Variants in SHISA9 observed in about 807,000 individuals in gnomAD.
SHISA9 encodes shisa family member 9.
Under a neutral mutation model 38.0 loss-of-function variants are expected in SHISA9, and 13 were observed. That is an observed-to-expected ratio of 0.34 (90% CI 0.22 to 0.54). SHISA9 has a LOEUF of 0.54. Ranked by LOEUF, SHISA9 falls within the 20% of genes least tolerant of loss-of-function variation. The pLI, the probability that SHISA9 is intolerant of heterozygous loss-of-function variation, is 0.91. For missense variants in SHISA9, 538 were observed against 575.8 expected, an observed-to-expected ratio of 0.93 and a Z score of 0.67; for synonymous variants, 275 against 242.0, an observed-to-expected ratio of 1.14 and a Z score of -1.27.
At chr16:13,295,314 T>A in the SHISA9 span, among the ~76,000 whole-genome samples, 1 of 152,072 alleles carries the variant, frequency 6.6e-6, no homozygotes, top group African/African-American at 2.4e-5. Context: ...ACCGAAAGAG[T>A]TGGTCTGCTT....
At chr16:13,340,897 A>G in the SHISA9 span, among the ~76,000 whole-genome samples, 1 of 152,104 alleles carries the variant, frequency 6.6e-6, no homozygotes, top group African/African-American at 2.4e-5. Flanking sequence ...CCTCTTTCCA[A>G]TATAATTTCC....
At chr16:13,123,622 T>A (rs1281638217) in intron 2 of SHISA9, among the ~76,000 whole-genome samples, 1 of 152,242 alleles carries the variant, frequency 6.6e-6, no homozygotes, top group Non-Finnish European at 1.5e-5. Flanking sequence ...CAGCTGGCAG[T>A]TTCTGAGAAT....
At chr16:13,152,722 A>G (rs2050510356) in intron 2 of SHISA9, among the ~76,000 whole-genome samples, 1 of 152,200 alleles carries the variant, frequency 6.6e-6, no homozygotes, top group Non-Finnish European at 1.5e-5. Flanking sequence ...ACCCAGTTTG[A>G]TGAATTGATG....
At chr16:13,402,803 T>C in the SHISA9 span, among the ~76,000 whole-genome samples, 2 of 152,194 alleles carry the variant, frequency 1.3e-5, no homozygotes, top group African/African-American at 4.8e-5. Flanking sequence ...AAATTAACCA[T>C]CACATTCCAG....
chr16:13,334,956 G>A, the SHISA9 span, among the ~76,000 whole-genome samples: 2 of 152,152 alleles, frequency 1.3e-5, no homozygotes, highest in African/African-American at 2.4e-5. Context: ...TTATGTGCTA[G>A]GAACCTGTAT....
At chr16:13,328,704 C>A in the SHISA9 span, among the ~76,000 whole-genome samples, 1 of 152,032 alleles carries the variant, frequency 6.6e-6, no homozygotes, top group Admixed American at 6.6e-5. Context: ...TACCCCTGAC[C>A]TCGGGCGATC....
At chr16:13,465,248 C>G in the SHISA9 span, among the ~76,000 whole-genome samples, 1 of 152,168 alleles carries the variant, frequency 6.6e-6, no homozygotes, top group Non-Finnish European at 1.5e-5. Context: ...AAAAATGCCT[C>G]CAGGCATTGC....
At chr16:13,373,227 A>C in the SHISA9 span, among the ~76,000 whole-genome samples, 1 of 152,244 alleles carries the variant, frequency 6.6e-6, no homozygotes, top group African/African-American at 2.4e-5. Flanking sequence ...ACTGTTTCAA[A>C]GGTTGAAAGA....
intron 4 of SHISA9, among the ~76,000 whole-genome samples, chr16:13,218,877 G>A (rs1486697092): frequency 2.0e-5 from 3 of 152,156 alleles, no homozygotes; most frequent in South Asian, 4.1e-4. Flanking sequence ...CCATCCCAGG[G>A]GAGGGAACAC....
At chr16:13,093,905 A>G (rs1363902959) in intron 2 of SHISA9, among the ~76,000 whole-genome samples, 1 of 152,094 alleles carries the variant, frequency 6.6e-6, no homozygotes, top group Non-Finnish European at 1.5e-5. Context: ...TAGGATTTAA[A>G]TAGGTGTGGC....
the SHISA9 span, among the ~76,000 whole-genome samples, chr16:13,487,533 G>T: frequency 6.6e-6 from 1 of 152,150 alleles, no homozygotes; most frequent in African/African-American, 2.4e-5. Flanking sequence ...TATCACCAAG[G>T]GGACGGCCCA....
At chr16:12,939,736 T>C (rs2071584317) in intron 2 of SHISA9, among the ~76,000 whole-genome samples, 1 of 152,198 alleles carries the variant, frequency 6.6e-6, no homozygotes, top group African/African-American at 2.4e-5. Flanking sequence ...TGCTATTCAA[T>C]GAAACATCAT....
chr16:12,903,391 A>G (rs2071048218), intron 1 of SHISA9, among the ~76,000 whole-genome samples: 1 of 152,174 alleles, frequency 6.6e-6, no homozygotes, highest in East Asian at 1.9e-4. Context: ...CTCACTTCCA[A>G]GCACCCTGAT....
chr16:13,374,120 A>G, the SHISA9 span, among the ~76,000 whole-genome samples: 1 of 152,186 alleles, frequency 6.6e-6, no homozygotes, highest in Non-Finnish European at 1.5e-5. Flanking sequence ...CATTAGGCCA[A>G]AATGTCCTGG....
the SHISA9 span, among the ~76,000 whole-genome samples, chr16:13,504,381 T>C: frequency 6.6e-6 from 1 of 152,026 alleles, no homozygotes; most frequent in Non-Finnish European, 1.5e-5. Flanking sequence ...ACCCATAAGG[T>C]CCCTGTAAAG....
At chr16:12,989,572 T>C (rs1270795112) in intron 2 of SHISA9, among the ~76,000 whole-genome samples, 1 of 152,104 alleles carries the variant, frequency 6.6e-6, no homozygotes, top group African/African-American at 2.4e-5. Context: ...CTTGAAAGGT[T>C]TGGGACTGAG....
intron 2 of SHISA9, among the ~76,000 whole-genome samples, chr16:13,096,552 G>A (rs899379926): frequency 6.6e-6 from 1 of 152,142 alleles, no homozygotes; most frequent in East Asian, 1.9e-4. Context: ...AGAAGATGGG[G>A]AAGGTTGATA....
chr16:13,362,645 T>A, the SHISA9 span, among the ~76,000 whole-genome samples: 3 of 152,130 alleles, frequency 2.0e-5, no homozygotes, highest in East Asian at 1.9e-4. Flanking sequence ...CTAGAGAAAT[T>A]TTATGAAGCA....
the SHISA9 span, among the ~76,000 whole-genome samples, chr16:13,290,738 G>C: frequency 6.6e-6 from 1 of 152,102 alleles, no homozygotes; most frequent in Non-Finnish European, 1.5e-5. Flanking sequence ...TAAAGAGCTT[G>C]GGAAGGCATG....
Sources: allele counts gnomAD v4.1 joint callset (sites outside exome capture counted in the v4.1 genomes callset), GRCh38; gene constraint gnomAD v4.1.1; transcripts MANE v1.5; gene names NCBI Gene and HGNC (gene_info 2026-07-23, HGNC 2026-07-21).